GRID1: variants seen among roughly 807,000 people sequenced by gnomAD.
GRID1 encodes the protein glutamate ionotropic receptor delta type subunit 1, also known as glutamate receptor ionotropic, delta-1.
GRID1 carries 28 observed loss-of-function variants against 98.0 expected under a neutral mutation model. The ratio of observed to expected loss-of-function variants is 0.29; its 90% CI spans 0.21 to 0.39. The LOEUF (loss-of-function observed/expected upper bound fraction) is 0.39, where lower values mean the gene tolerates loss of function less well. Ranked by LOEUF, GRID1 falls within the 10% of genes least tolerant of loss-of-function variation. GRID1 has a pLI of 1.00. For missense variants in GRID1, 1,111 were observed against 1,340.5 expected (o/e 0.83, Z 2.67); for synonymous variants, 553 against 538.5 (o/e 1.03, Z -0.37).
intron 4 of GRID1, among the ~76,000 whole-genome samples, chr10:86,113,998 T>C (rs1844532062): frequency 6.6e-6 from 1 of 152,084 alleles, no homozygotes; most frequent in South Asian, 2.1e-4. Context: ...AGGCCACTGC[T>C]GGAGCCTGTG....
rs940151635 is a variant in GRID1 at position 85,977,449 on chromosome 10, C to T, written c.727-61210G>A. 1.1e-4 allele frequency among the ~76,000 whole-genome samples: 16 copies of T among 152,266 alleles called. 1 individual carries two copies. The highest frequency in any genetic ancestry group is 2.6e-4 in the African/African-American group (11 of 41,548). On this transcript the variant is annotated intron_variant, in intron 4 of 15. Transcript: ENST00000327946. The stretch of plus-strand genomic sequence containing the variant: ...GATGTTGTAGAAAATACCATGCCAG[C>T]CACACAAATACACCTCTGATCTGAA...
intron 4 of GRID1, among the ~76,000 whole-genome samples, chr10:85,980,901 CA>C (rs1842536671): frequency 6.6e-6 from 1 of 152,206 alleles, no homozygotes; most frequent in East Asian, 1.9e-4. Flanking sequence ...GCCCATTTCA[CA>C]GTGAGGATTT....
chr10:85,964,760 G>A (rs1182590436), intron 4 of GRID1, among the ~76,000 whole-genome samples: 1 of 152,128 alleles, frequency 6.6e-6, no homozygotes, highest in Non-Finnish European at 1.5e-5. Flanking sequence ...AATACCAAAA[G>A]CAATGGCAAT....
chr10:86,108,985 G>A (rs1180635843), intron 4 of GRID1, among the ~76,000 whole-genome samples: 2 of 152,140 alleles, frequency 1.3e-5, no homozygotes, highest in Non-Finnish European at 2.9e-5. Flanking sequence ...TGCCTTCACT[G>A]AGTTCTCACT....
intron 13 of GRID1, among the ~76,000 whole-genome samples, chr10:85,625,759 C>A (rs147588345): frequency 6.6e-6 from 1 of 152,210 alleles, no homozygotes; most frequent in African/African-American, 2.4e-5. Context: ...ATATGATTGG[C>A]CTCTATTTGC....
In GRID1 at chr10:86,339,874, A is replaced by G. The variant is rs77962216; in HGVS notation, c.235+24067T>C. On this transcript the variant is annotated intron_variant, in intron 2 of 15. Transcript: ENST00000327946. Reference sequence around the variant, plus strand: ...CCCTCCTAACGCTTCCACTTGGGATAGAGGTGAACGAGCAACAACAAGGTT... The same window carrying G: ...CCCTCCTAACGCTTCCACTTGGGATGGAGGTGAACGAGCAACAACAAGGTT... Among the ~76,000 whole-genome samples, 527 of 152,338 alleles carry G rather than the reference A, an allele frequency of 3.5e-3. 2 individuals carry two copies. The highest frequency in any genetic ancestry group is 0.012 in the African/African-American group (506 of 41,574).
chr10:86,193,395 T>G (rs1175623506), intron 3 of GRID1, among the ~76,000 whole-genome samples: 1 of 152,146 alleles, frequency 6.6e-6, no homozygotes, highest in Non-Finnish European at 1.5e-5. Context: ...CGTTATTCTC[T>G]TTATGATCCA....
intron 6 of GRID1, among the ~76,000 whole-genome samples, chr10:85,865,248 T>G (rs917890916): frequency 1.3e-5 from 2 of 152,210 alleles, no homozygotes; most frequent in Non-Finnish European, 2.9e-5. Context: ...GCAAAGCTTT[T>G]GGAGCACTAG....
At chr10:86,363,830 G>C in intron 2 of GRID1, 111 bp downstream of exon 2, 2 of 909,040 alleles carry the variant, frequency 2.2e-6, no homozygotes, top group South Asian at 3.3e-5. Context: ...CGGCTGCCGA[G>C]GAACAGAGGG....
chr10:85,730,977 C>G (rs1333795199), intron 8 of GRID1, among the ~76,000 whole-genome samples: 1 of 152,120 alleles, frequency 6.6e-6, no homozygotes, highest in African/African-American at 2.4e-5. Flanking sequence ...CCTAGTTAAC[C>G]TGAAGAGAAG....
At chr10:86,107,104 C>A (rs911610519) in intron 4 of GRID1, among the ~76,000 whole-genome samples, 1 of 152,180 alleles carries the variant, frequency 6.6e-6, no homozygotes, top group African/African-American at 2.4e-5. Context: ...CCAGTGCAGG[C>A]ACAGCAGGAA....
intron 4 of GRID1, among the ~76,000 whole-genome samples, chr10:86,002,912 A>T (rs1842818270): frequency 6.6e-6 from 1 of 152,232 alleles, no homozygotes; most frequent in South Asian, 2.1e-4. Context: ...ATAAAGACTG[A>T]TGAAAATTCA....
chr10:85,847,478 A>G (rs1346019105), intron 8 of GRID1, among the ~76,000 whole-genome samples: 1 of 152,246 alleles, frequency 6.6e-6, no homozygotes, highest in African/African-American at 2.4e-5. Flanking sequence ...AAATGTACAA[A>G]TGTGAATTAA....
At chr10:86,147,535 T>C (rs921632330) in intron 3 of GRID1, among the ~76,000 whole-genome samples, 7 of 152,126 alleles carry the variant, frequency 4.6e-5, no homozygotes, top group Admixed American at 4.6e-4. Context: ...GAAATAAAGC[T>C]GCACACATAC....
intron 13 of GRID1, among the ~76,000 whole-genome samples, chr10:85,639,873 G>GAAAT (rs377609119): frequency 9.9e-5 from 15 of 152,232 alleles, no homozygotes; most frequent in African/African-American, 3.4e-4. Flanking sequence ...CTCCATTTCA[G>GAAAT]AAATAAATAA....
At position 86,198,316 on chromosome 10, in the gene GRID1, G is replaced by A. The variant is rs1039313413; in HGVS notation, c.520+8048C>T. Among the ~76,000 whole-genome samples, 4 of 152,176 alleles carry A rather than the reference G, an allele frequency of 2.6e-5. No homozygotes were observed. In the South Asian group the frequency reaches 6.2e-4, roughly 24 times the overall value. The stretch of plus-strand genomic sequence containing the variant: ...ATAGGGCAAGGTGTGTAACCTGCAG[G>A]TGAAAGAGCTGACCCCCAAGCTCTC... On this transcript the variant is annotated intron_variant, in intron 3 of 15. Coordinates refer to ENST00000327946, the MANE Select transcript of GRID1 (RefSeq NM_017551.3).
chr10:85,781,001 A>G (rs1440872517), intron 8 of GRID1, among the ~76,000 whole-genome samples: 2 of 152,236 alleles, frequency 1.3e-5, no homozygotes, highest in Admixed American at 1.3e-4. Context: ...CCCAGTTTCC[A>G]AAGGAGGGCC....
At chr10:86,238,743 C>A (rs375088861) in intron 2 of GRID1, among the ~76,000 whole-genome samples, 23 of 151,430 alleles carry the variant, frequency 1.5e-4, no homozygotes, top group African/African-American at 5.6e-4. Flanking sequence ...AAGCCATAAG[C>A]CTTGCTGGCT....
At chr10:86,347,538 C>G (rs566330665) in intron 2 of GRID1, among the ~76,000 whole-genome samples, 1 of 152,312 alleles carries the variant, frequency 6.6e-6, no homozygotes, top group African/African-American at 2.4e-5. Context: ...CCCCCTCTTC[C>G]AGGGGCAAGT....
Sources: gnomAD v4.1 joint callset for allele counts (sites outside exome capture counted in the v4.1 genomes callset) on GRCh38, gnomAD v4.1.1 for gene constraint, MANE v1.5 for transcripts, NCBI Gene and HGNC (gene_info 2026-07-23, HGNC 2026-07-21) for gene names.